Variants in SESTD1 observed in about 807,000 individuals in gnomAD.
SESTD1 encodes SEC14 and spectrin domain containing 1.
In SESTD1, 43 loss-of-function variants were observed where a neutral mutation model predicts 101.7. That is an observed-to-expected ratio of 0.42 (90% CI 0.33 to 0.55). SESTD1 has a LOEUF of 0.55. Among genes scored for constraint, SESTD1 ranks in the 20% least tolerant of loss-of-function variants. The pLI is 0.07. For synonymous variants in SESTD1, 283 were observed against 286.8 expected (o/e 0.99, Z 0.13); for missense variants, 647 against 815.1 (o/e 0.79, Z 2.51).
chr2:179,242,385 C>G (rs1162754311), intron 1 of SESTD1, among the ~76,000 whole-genome samples: 3 of 152,180 alleles, frequency 2.0e-5, no homozygotes, highest in Non-Finnish European at 4.4e-5. Context: ...AATGGCCATA[C>G]TGCCCAAAGC....
intron 16 of SESTD1, among the ~76,000 whole-genome samples, chr2:179,113,778 TACA>T (rs1003675395): frequency 6.6e-6 from 1 of 151,342 alleles, no homozygotes; most frequent in African/African-American, 2.4e-5. Flanking sequence ...CTTAGGTTTG[TACA>T]ACAAGCTCCA....
At chr2:179,144,524 G>A (rs1162964694) in intron 8 of SESTD1, among the ~76,000 whole-genome samples, 1 of 151,994 alleles carries the variant, frequency 6.6e-6, no homozygotes, top group Non-Finnish European at 1.5e-5. Flanking sequence ...ATTGTAGAAT[G>A]TGCAACAACT....
chr2:179,119,208 T>C (rs2044697133), intron 13 of SESTD1, among the ~76,000 whole-genome samples: 1 of 152,062 alleles, frequency 6.6e-6, no homozygotes, highest in African/African-American at 2.4e-5. Flanking sequence ...AGCTGGAGAG[T>C]AGCCAGGCCA....
intron 2 of SESTD1, among the ~76,000 whole-genome samples, chr2:179,184,763 T>A (rs2046181373): frequency 6.6e-6 from 1 of 152,136 alleles, no homozygotes; most frequent in African/African-American, 2.4e-5. Context: ...ATCCACCCAT[T>A]AAGCCAAGCC....
chr2:179,190,938 G>C (rs2046310559), intron 2 of SESTD1, among the ~76,000 whole-genome samples: 1 of 152,198 alleles, frequency 6.6e-6, no homozygotes, highest in Admixed American at 6.5e-5. Context: ...ATGTAAATTA[G>C]TTCAGTAACT....
At chr2:179,160,601 A>G (rs1370836186) in intron 5 of SESTD1, among the ~76,000 whole-genome samples, 2 of 152,020 alleles carry the variant, frequency 1.3e-5, no homozygotes, top group East Asian at 3.8e-4. Context: ...TTCTAACCTA[A>G]AGATAAACCT....
intron 1 of SESTD1, among the ~76,000 whole-genome samples, chr2:179,228,465 C>T (rs2046924016): frequency 6.6e-6 from 1 of 152,152 alleles, no homozygotes; most frequent in Non-Finnish European, 1.5e-5. Context: ...CCTTAAGATA[C>T]AAGCCTGTGG....
chr2:179,110,515 G>T (rs925935545), intron 17 of SESTD1, among the ~76,000 whole-genome samples: 1 of 152,082 alleles, frequency 6.6e-6, no homozygotes, highest in Non-Finnish European at 1.5e-5. Context: ...CAGAATCACA[G>T]AATATTTTTA....
At chr2:179,180,374 C>A (rs1376339638) in intron 3 of SESTD1, among the ~76,000 whole-genome samples, 1 of 152,120 alleles carries the variant, frequency 6.6e-6, no homozygotes, top group East Asian at 1.9e-4. Flanking sequence ...GAAGAGGCTA[C>A]CTTAGCTAGC....
At chr2:179,117,796 A>C (rs1460367940) in intron 13 of SESTD1, among the ~76,000 whole-genome samples, 183 bp from the exon 14 acceptor site, 1 of 152,230 alleles carries the variant, frequency 6.6e-6, no homozygotes, top group Non-Finnish European at 1.5e-5. Flanking sequence ...TGTTACATCA[A>C]AACATCAAAA....
intron 9 of SESTD1, among the ~76,000 whole-genome samples, chr2:179,140,674 T>C (rs983435678): frequency 6.6e-6 from 1 of 152,228 alleles, no homozygotes; most frequent in East Asian, 1.9e-4. Flanking sequence ...ACGACTTGTC[T>C]ATACTCATTG....
At chr2:179,128,426 C>T (rs76097715) in intron 10 of SESTD1, among the ~76,000 whole-genome samples, 8,395 of 152,204 alleles carry the variant, frequency 0.055, 320 homozygotes, top group South Asian at 0.13. Flanking sequence ...CCAAATGTTT[C>T]TTCCTAAAAA....
intron 5 of SESTD1, among the ~76,000 whole-genome samples, chr2:179,153,204 A>G (rs1488134690): frequency 6.6e-6 from 1 of 152,192 alleles, no homozygotes; most frequent in East Asian, 1.9e-4. Flanking sequence ...AGAAAACAAT[A>G]CCTACAACCA....
chr2:179,242,163 T>C (rs1038939133), intron 1 of SESTD1, among the ~76,000 whole-genome samples: 1 of 152,136 alleles, frequency 6.6e-6, no homozygotes, highest in Non-Finnish European at 1.5e-5. Context: ...AGCACTTCTA[T>C]ATGCCAATAA....
intron 5 of SESTD1, among the ~76,000 whole-genome samples, chr2:179,153,500 G>A (rs1030634910): frequency 6.6e-6 from 1 of 151,776 alleles, no homozygotes; most frequent in Admixed American, 6.6e-5. Context: ...ACACTCTCTC[G>A]CTCTCTCTCT....
chr2:179,214,569 G>T (rs2046693052), intron 1 of SESTD1, among the ~76,000 whole-genome samples: 1 of 133,798 alleles, frequency 7.5e-6, no homozygotes, highest in African/African-American at 3.0e-5. Flanking sequence ...GTCAATACTG[G>T]ACGGATCAAC....
intron 1 of SESTD1, among the ~76,000 whole-genome samples, chr2:179,224,999 T>C (rs912666166): frequency 6.6e-6 from 1 of 152,012 alleles, no homozygotes; most frequent in African/African-American, 2.4e-5. Flanking sequence ...CCCCAATTTA[T>C]AGCCAGTCAG....
chr2:179,143,892 T>C (rs1004695284), intron 8 of SESTD1, 89 bp from the exon 9 acceptor site: 11 of 1,361,912 alleles, frequency 8.1e-6, no homozygotes, highest in Middle Eastern at 1.9e-4. Flanking sequence ...CCCTTGTTTT[T>C]AAAACCTATC....
At chr2:179,229,813 ACAC>A (rs1458507833) in intron 1 of SESTD1, among the ~76,000 whole-genome samples, 23 of 138,096 alleles carry the variant, frequency 1.7e-4, no homozygotes, top group Admixed American at 1.2e-3. Context: ...ACACACACAC[ACAC>A]AACCCTACTT....
Sources: allele counts gnomAD v4.1 joint callset (sites outside exome capture counted in the v4.1 genomes callset), GRCh38; gene constraint gnomAD v4.1.1; transcripts MANE v1.5; gene names NCBI Gene and HGNC (gene_info 2026-07-23, HGNC 2026-07-21).